The following PNPLA1 variants were observed in gnomAD, a reference collection of about 807,000 sequenced individuals.
PNPLA1 encodes patatin like domain 1, omega-hydroxyceramide transacylase, also known as omega-hydroxyceramide transacylase.
In PNPLA1, 36 loss-of-function variants were observed where a neutral mutation model predicts 51.7. That is an observed-to-expected ratio of 0.70 (90% confidence interval 0.53 to 0.92). PNPLA1 has a LOEUF of 0.92. Among genes scored for constraint, PNPLA1 ranks in the 40% least tolerant of loss-of-function variants. PNPLA1 has a pLI of 0.00. For missense variants in PNPLA1, 658 were observed against 682.5 expected, an observed-to-expected ratio of 0.96 and a Z score of 0.40; for synonymous variants, 293 against 280.1, an observed-to-expected ratio of 1.05 and a Z score of -0.46.
chr6:36,284,757 G>A (rs1770430160), intron 1 of PNPLA1, among the ~76,000 whole-genome samples: 1 of 152,186 alleles, frequency 6.6e-6, no homozygotes, highest in Non-Finnish European at 1.5e-5. Flanking sequence ...TAAGGTGGGT[G>A]GGGCGATGGG....
chr6:36,271,610 G>A (rs1769918622), intron 1 of PNPLA1, among the ~76,000 whole-genome samples: 1 of 152,252 alleles, frequency 6.6e-6, no homozygotes, highest in African/African-American at 2.4e-5. Flanking sequence ...AAGGTGGTCA[G>A]GGAAGCCTTT....
intron 6 of PNPLA1, among the ~76,000 whole-genome samples, chr6:36,305,147 T>C (rs945741037): frequency 2.0e-5 from 3 of 152,224 alleles, no homozygotes; most frequent in African/African-American, 7.2e-5. Context: ...CACCAGTCTA[T>C]AAAAAATTCA....
intron 1 of PNPLA1, among the ~76,000 whole-genome samples, chr6:36,244,408 GT>G (rs200494555): frequency 5.1e-4 from 74 of 144,688 alleles, no homozygotes; most frequent in African/African-American, 1.4e-3. Flanking sequence ...TGAGGGTTTT[GT>G]TTTTTTTTTT....
intron 4 of PNPLA1, 110 bp from the exon 5 acceptor site, chr6:36,295,254 C>T: frequency 9.0e-7 from 1 of 1,113,726 alleles, no homozygotes; most frequent in Non-Finnish European, 1.4e-6. Context: ...TTTTGAAAAG[C>T]CCATCAAATA....
rs34132369 is a variant in PNPLA1 at position 36,288,443 on chromosome 6, ATTTT to A, written c.206-2860_206-2857del. ...AACCTGGGCAACATAAGGAGACCCTATTTTTTTTTTTTTTTTTTTTGAGACGGAG... is the reference window on the plus strand; with the variant it reads ...AACCTGGGCAACATAAGGAGACCCTATTTTTTTTTTTTTTTTGAGACGGAG... On this transcript the variant is annotated intron_variant, in intron 1 of 8. Transcript: ENST00000636260. Among the ~76,000 whole-genome samples, 233 of 125,752 alleles carry A rather than the reference ATTTT, an allele frequency of 1.9e-3. 1 individual carries two copies. Among genetic ancestry groups the A allele is most frequent in the South Asian group, 0.013 (50 of 3,808 alleles). 82.5% of individuals were successfully genotyped at this position (125,752 alleles called of 152,430 possible). A position where few individuals can be genotyped will look rare whatever the true frequency, so the allele number is the denominator to read the frequency against.
At chr6:36,305,046 G>A (rs1561873228) in intron 6 of PNPLA1, among the ~76,000 whole-genome samples, 1 of 152,166 alleles carries the variant, frequency 6.6e-6, no homozygotes, top group Non-Finnish European at 1.5e-5. Context: ...GAGCCTCAAT[G>A]GTGACATCCT....
upstream of PNPLA1, among the ~76,000 whole-genome samples, chr6:36,268,331 A>G (rs1170594201): frequency 6.6e-6 from 1 of 152,178 alleles, no homozygotes; most frequent in African/African-American, 2.4e-5. Context: ...ACTGTGCAGC[A>G]TAGGAATGAC....
intron 1 of PNPLA1, among the ~76,000 whole-genome samples, chr6:36,271,211 G>A: frequency 6.6e-6 from 1 of 152,138 alleles, no homozygotes; most frequent in South Asian, 2.1e-4. Flanking sequence ...GGAAGGGGTG[G>A]GGAGAGAATA....
intron 2 of PNPLA1, among the ~76,000 whole-genome samples, chr6:36,292,224 C>T (rs566319662): frequency 9.9e-5 from 15 of 152,238 alleles, no homozygotes; most frequent in Non-Finnish European, 1.9e-4. Flanking sequence ...CCATCCTCAT[C>T]CCATACTGGC....
chr6:36,292,981 G>C, intron 2 of PNPLA1, 80 bp from the exon 3 acceptor site: 1 of 1,269,364 alleles, frequency 7.9e-7, no homozygotes, highest in Non-Finnish European at 1.1e-6. Context: ...CTGGTGGTGG[G>C]TGGCCCAGGG....
At position 36,294,074 on chromosome 6, in the gene PNPLA1, A is replaced by C; in HGVS notation, c.505-116A>C. On this transcript the variant is annotated intron_variant, in intron 3 of 8. Transcript: ENST00000636260. This position sits in a 1 kb window ranked among gnomAD's most constrained non-coding sequence, Gnocchi z 4.2. Reference sequence around the variant, plus strand: ...AGGCTTATCCTGAGGGGTCTTCTGGATCTTCCTTGATGGGCCCTTGAAGCT... The same window carrying C: ...AGGCTTATCCTGAGGGGTCTTCTGGCTCTTCCTTGATGGGCCCTTGAAGCT... The C allele has an allele frequency of 8.1e-7, 1 of 1,233,024 alleles. No homozygotes were observed. Among genetic ancestry groups the C allele is most frequent in the Non-Finnish European group, 1.1e-6 (1 of 882,266 alleles). The allele number at this position is 1,233,024 out of a possible 1,614,324, so 76.4% of individuals were successfully genotyped here. A position where few individuals can be genotyped will look rare whatever the true frequency, so the allele number is the denominator to read the frequency against.
intron 1 of PNPLA1, among the ~76,000 whole-genome samples, chr6:36,246,711 T>G (rs1769294214): frequency 6.6e-6 from 1 of 152,128 alleles, no homozygotes; most frequent in African/African-American, 2.4e-5. Flanking sequence ...CAATTCGAGC[T>G]CCGTCCTTTT....
chr6:36,253,542 C>T (rs1769467623), intron 1 of PNPLA1, among the ~76,000 whole-genome samples: 1 of 152,116 alleles, frequency 6.6e-6, no homozygotes, highest in Non-Finnish European at 1.5e-5. Flanking sequence ...GTGGTGTGAT[C>T]ATAGCTTACT....
chr6:36,255,823 A>G (rs1227581470), intron 1 of PNPLA1, among the ~76,000 whole-genome samples: 2 of 152,218 alleles, frequency 1.3e-5, no homozygotes, highest in Admixed American at 6.5e-5. Context: ...TAACATCTCT[A>G]TTGCAGTTTA....
Position 36,301,977 on chromosome 6 carries a change from C to T in PNPLA1, c.892C>T (p.Arg298Ter), listed in dbSNP as rs778158406. 1.1e-5 allele frequency: 17 copies of T among 1,614,084 alleles called. No individual in the cohort carries two copies. The highest frequency in any genetic ancestry group is 6.7e-5 in the Admixed American group (4 of 60,008). ...CCCTGAACGCAGTCAACCAAGCCTT[C>T]GAGCACGGCAGGCCAGTCTGGAAGG... ...ECPERSQPSL[R>*]ARQASLEGAT... is the part of the protein sequence containing the mutation. The change falls in exon 6 of 9, where the codon CGA (arginine) becomes TGA (stop). Residue 298 changes from arginine to a stop codon, truncating the protein, a stop_gained. Transcript: ENST00000636260. LOFTEE classifies it high-confidence loss of function.
intron 1 of PNPLA1, among the ~76,000 whole-genome samples, chr6:36,283,865 A>G (rs1025956651): frequency 2.0e-5 from 3 of 152,232 alleles, no homozygotes; most frequent in Non-Finnish European, 2.9e-5. Flanking sequence ...GAGAATCTGT[A>G]CGGCAGGATA....
chr6:36,243,912 A>C (rs1769201355), intron 1 of PNPLA1, among the ~76,000 whole-genome samples: 1 of 152,128 alleles, frequency 6.6e-6, no homozygotes, highest in Non-Finnish European at 1.5e-5. Context: ...TCTAGCTAAG[A>C]GCTTTAAACT....
Position 36,294,581 on chromosome 6 carries a change from C to G in PNPLA1, c.714+182C>G, listed in dbSNP as rs9462170. On this transcript the variant is annotated intron_variant, in intron 4 of 8. Coordinates refer to ENST00000636260, the MANE Select transcript of PNPLA1 (RefSeq NM_001374623.1). This position sits in a 1 kb window ranked among gnomAD's most constrained non-coding sequence, Gnocchi z 4.2. ...AACTAGCTATGTGACCTTGAACAAG[C>G]GCCTCAAGCTCTCCCAGCTTCAACA... is the stretch of plus-strand genomic sequence containing the variant. Among the ~76,000 whole-genome samples, 2 of 152,070 alleles carry G rather than the reference C, an allele frequency of 1.3e-5. No individual in the cohort carries two copies. Among genetic ancestry groups the G allele is most frequent in the African/African-American group, 4.8e-5 (2 of 41,388 alleles).
At chr6:36,303,287 G>C (rs1771129744) in intron 6 of PNPLA1, among the ~76,000 whole-genome samples, 1 of 152,124 alleles carries the variant, frequency 6.6e-6, no homozygotes. Context: ...GTAAAGACAG[G>C]TTTCACTGTG....
Sources: allele counts gnomAD v4.1 joint callset (sites outside exome capture counted in the v4.1 genomes callset), GRCh38; gene constraint gnomAD v4.1.1; non-coding constraint Gnocchi (gnomAD v3.1); transcripts MANE v1.5; gene names NCBI Gene and HGNC (gene_info 2026-07-23, HGNC 2026-07-21).